Variants in KNG1 observed in about 807,000 individuals in gnomAD.
KNG1 encodes the protein kininogen 1.
Under a neutral mutation model 47.8 loss-of-function variants are expected in KNG1, and 23 were observed. That is an observed-to-expected ratio of 0.48 (90% CI 0.35 to 0.68). The LOEUF (loss-of-function observed/expected upper bound fraction) is 0.68, where lower values mean the gene tolerates loss of function less well. KNG1 is among the 30% of genes least tolerant of loss of function. The pLI is 0.01. For synonymous variants in KNG1, 277 were observed against 277.0 expected, an observed-to-expected ratio of 1.00 and a Z score of 0.00; for missense variants, 762 against 790.2, an observed-to-expected ratio of 0.96 and a Z score of 0.43.
In KNG1 at chr3:186,731,705, G is replaced by T. The variant is rs1720538664; in HGVS notation, c.757+76G>T. 1.5e-5 allele frequency: 15 copies of T among 986,066 alleles called. No individual in the cohort carries two copies. In the South Asian group the frequency reaches 1.7e-4, roughly 11 times the overall value. The allele number at this position is 986,066 out of a possible 1,614,324, so 61.1% of individuals were successfully genotyped here. A position where few individuals can be genotyped will look rare whatever the true frequency, so the allele number is the denominator to read the frequency against. ...CAACTGGCTGAGTCTTTTCCTATAA[G>T]TTGGGTTTTGGTTCCCGTGATATAC... On this transcript the variant is annotated intron_variant, in intron 6 of 9. Transcript: ENST00000644859.
intron 7 of KNG1, chr3:186,738,830 G>C (rs1720731238): frequency 2.8e-6 from 1 of 355,678 alleles, no homozygotes; most frequent in Admixed American, 4.2e-5. Flanking sequence ...TGGGCAACAA[G>C]AGCGAAACTC....
intron 7 of KNG1, among the ~76,000 whole-genome samples, chr3:186,733,688 G>T (rs1466228106): frequency 6.6e-6 from 1 of 152,100 alleles, no homozygotes; most frequent in African/African-American, 2.4e-5. Context: ...CCTACATTTT[G>T]CCGGGCAGAG....
At chr3:186,725,017 T>G in intron 3 of KNG1, 71 bp from the exon 4 acceptor site, 5 of 1,541,150 alleles carry the variant, frequency 3.2e-6, no homozygotes, top group South Asian at 1.1e-5. Flanking sequence ...AGCCTCTTCT[T>G]TGTTTAGGGC....
chr3:186,732,006 G>GT (rs920811863), intron 6 of KNG1, among the ~76,000 whole-genome samples: 1 of 152,146 alleles, frequency 6.6e-6, no homozygotes, highest in Non-Finnish European at 1.5e-5. Flanking sequence ...AATTAAGGTG[G>GT]TTTTTTCCTG....
chr3:186,717,904 CCACCACCACCAT>C, intron 1 of KNG1, 167 bp downstream of exon 1: 1 of 556,664 alleles, frequency 1.8e-6, no homozygotes, highest in Non-Finnish European at 3.2e-6. Context: ...CCACCCACCA[CCACCACCACCAT>C]CCACCACCAC....
At chr3:186,732,101 G>C (rs1648699) in intron 6 of KNG1, among the ~76,000 whole-genome samples, 57,895 of 151,768 alleles carry the variant, frequency 0.38, 11,121 homozygotes, top group South Asian at 0.48. Context: ...TTTTCTCATA[G>C]TTGGAAAACG....
chr3:186,724,225 A>G (rs1442168502), intron 3 of KNG1, among the ~76,000 whole-genome samples: 1 of 151,974 alleles, frequency 6.6e-6, no homozygotes, highest in Non-Finnish European at 1.5e-5. Flanking sequence ...TCTTTTCTCC[A>G]TATCCTCCTG....
At chr3:186,720,459 C>A in intron 2 of KNG1, 4 of 470,564 alleles carry the variant, frequency 8.5e-6, no homozygotes, top group Non-Finnish European at 1.5e-5. Flanking sequence ...AGTGTCCAGC[C>A]AGAACATGTG....
chr3:186,741,741 C>T lies in KNG1; in HGVS notation c.1345C>T (p.Arg449Cys), dbSNP rs200055961. ...TCTTGGCCATGGCCATAAACATGAA[C>T]GTGACCAAGGGCATGGGCACCAAAG... ...HNLGHGHKHE[R>C]DQGHGHQRGH... The change falls in exon 10 of 10, where the codon CGT becomes TGT. Residue 449 changes from arginine (R) to cysteine (C), a missense_variant. Arg to Cys is a radical substitution (Grantham distance 180). Coordinates refer to ENST00000644859, the MANE Select transcript of KNG1 (RefSeq NM_001102416.3). 33 of 1,614,026 alleles carry T rather than the reference C, an allele frequency of 2.0e-5. No individual in the cohort carries two copies. In the Admixed American group the frequency reaches 3.0e-4, roughly 15 times the overall value.
At chr3:186,723,215 G>T (rs1274306945) in intron 3 of KNG1, among the ~76,000 whole-genome samples, 1 of 151,824 alleles carries the variant, frequency 6.6e-6, no homozygotes, top group African/African-American at 2.4e-5. Context: ...ATTAAGTCAG[G>T]GTATTTGGGG....
chr3:186,742,216 C>T lies in KNG1; in HGVS notation c.1820C>T (p.Pro607Leu), dbSNP rs781575508. The change falls in exon 10 of 10, where the codon CCA (proline) becomes CTA (leucine). Residue 607 changes from proline (P) to leucine (L), a missense_variant. Coordinates refer to ENST00000644859, the MANE Select transcript of KNG1 (RefSeq NM_001102416.3). ...TCATTTAACCCAATATCAGATTTTC[C>T]AGACACGACCTCCCCAAAATGTCCT... ...GLSFNPISDFPDTTSPKCPGR... is the reference protein window; with the variant it reads ...GLSFNPISDFLDTTSPKCPGR... 3.7e-6 allele frequency: 6 copies of T among 1,614,166 alleles called. No individual in the cohort carries two copies. The highest frequency in any genetic ancestry group is 5.1e-6 in the Non-Finnish European group (6 of 1,180,032).
At chr3:186,737,815 C>T (rs1460483529) in intron 7 of KNG1, among the ~76,000 whole-genome samples, 9 of 152,066 alleles carry the variant, frequency 5.9e-5, no homozygotes, top group Admixed American at 5.2e-4. Context: ...CCGCCTCAGG[C>T]CCCCAAAGTG....
chr3:186,717,560 C>G lies in KNG1; in HGVS notation c.18C>G (p.Ile6Met). The change falls in exon 1 of 10, where the codon ATC (isoleucine) becomes ATG (methionine). Residue 6 changes from isoleucine to methionine, a missense_variant. By Grantham distance (10) the Ile-to-Met change is conservative (BLOSUM62 1). Coordinates refer to ENST00000644859, the MANE Select transcript of KNG1 (RefSeq NM_001102416.3). MKLITILFLCSRLLLS... is the reference protein window; with the variant it reads MKLITMLFLCSRLLLS... ...GTTAGATCATGAAACTAATTACCAT[C>G]CTTTTCCTCTGCTCCAGGCTGCTAC... 6.2e-7 allele frequency: 1 copy of G among 1,611,440 alleles called. No individual in the cohort carries two copies. Among genetic ancestry groups the G allele is most frequent in the Non-Finnish European group, 8.5e-7 (1 of 1,178,370 alleles).
In KNG1 at chr3:186,730,719, C is replaced by CATAT. The variant is rs1720504941; in HGVS notation, c.673-825_673-824insTATA. ...ATATATATATATATATATATATACA[C>CATAT]ACACACACACATATATATATACACA... On this transcript the variant is annotated intron_variant, in intron 5 of 9. Coordinates refer to ENST00000644859, the MANE Select transcript of KNG1 (RefSeq NM_001102416.3). Among the ~76,000 whole-genome samples, 8 of 113,848 alleles carry CATAT rather than the reference C, an allele frequency of 7.0e-5. No individual in the cohort carries two copies. In the South Asian group the frequency reaches 1.9e-3, roughly 27 times the overall value. The allele number at this position is 113,848 out of a possible 152,430, so 74.7% of individuals were successfully genotyped here.
Position 186,739,392 on chromosome 3 carries a change from T to C in KNG1, c.1103T>C (p.Val368Ala). Residue 368 changes from valine (V) to alanine (A), a missense_variant, in exon 9 of 10, where the codon GTC becomes GCC. By Grantham distance (64) the Val-to-Ala change is moderately conservative. Transcript: ENST00000644859. Reference protein sequence around the residue: ...VPWEKKIYPTVNCQPLGMISL... With the variant: ...VPWEKKIYPTANCQPLGMISL... ...TGGGAGAAAAAAATTTACCCTACTG[T>C]CAACTGTCAACCACTGGGAATGGTA... 6.2e-7 allele frequency: 1 copy of C among 1,610,752 alleles called. No homozygotes were observed. The highest frequency in any genetic ancestry group is 8.5e-7 in the Non-Finnish European group (1 of 1,176,892).
At chr3:186,739,049 T>C in intron 7 of KNG1, 50 bp from the exon 8 acceptor site, 1 of 1,383,164 alleles carries the variant, frequency 7.2e-7, no homozygotes, top group East Asian at 2.3e-5. Flanking sequence ...ATAAATGATT[T>C]ATTATGCAAA....
chr3:186,731,212 C>G (rs1320900043), intron 5 of KNG1, among the ~76,000 whole-genome samples: 1 of 152,012 alleles, frequency 6.6e-6, no homozygotes, highest in Non-Finnish European at 1.5e-5. Context: ...TAAGATGATT[C>G]TTGAAACTGT....
At position 186,732,551 on chromosome 3, in the gene KNG1, A is replaced by G; in HGVS notation, c.807A>G (p.Arg269=). ...PPTKICVGCP[R]DIPTNSPELE... ...CCAAGATTTGCGTGGGCTGCCCCAG[A>G]GATATACCCACCAACAGCCCAGAGC... The change falls in exon 7 of 10, where the codon AGA becomes AGG. Residue 269 remains arginine (R), a synonymous_variant. Coordinates refer to ENST00000644859, the MANE Select transcript of KNG1 (RefSeq NM_001102416.3). 6.2e-7 allele frequency: 1 copy of G among 1,614,220 alleles called. No individual in the cohort carries two copies. The highest frequency in any genetic ancestry group is 1.1e-5 in the South Asian group (1 of 91,082).
At chr3:186,722,943 G>A (rs771866236) in intron 3 of KNG1, among the ~76,000 whole-genome samples, 3 of 152,134 alleles carry the variant, frequency 2.0e-5, no homozygotes, top group Non-Finnish European at 2.9e-5. Flanking sequence ...CACTTCACAG[G>A]ACTGTTGTGA....
Sources: allele counts gnomAD v4.1 joint callset (sites outside exome capture counted in the v4.1 genomes callset), GRCh38; gene constraint gnomAD v4.1.1; transcripts MANE v1.5; gene names NCBI Gene and HGNC (gene_info 2026-07-23, HGNC 2026-07-21).